The following FRMD4B variants were observed in gnomAD, a reference collection of about 807,000 sequenced individuals.
FRMD4B encodes FERM domain containing 4B.
Under a neutral mutation model 141.5 loss-of-function variants are expected in FRMD4B, and 74 were observed. The observed-to-expected ratio is 0.52, with a 90% CI of 0.43 to 0.63. The LOEUF is 0.63. Ranked by LOEUF, FRMD4B falls within the 30% of genes least tolerant of loss-of-function variation. The probability of loss-of-function intolerance (pLI) is 0.00; values close to 1 mark genes in which losing one functional copy is unlikely to be tolerated. For synonymous variants in FRMD4B, 506 were observed against 467.9 expected, an observed-to-expected ratio of 1.08 and a Z score of -1.05; for missense variants, 1,366 against 1,253.4, an observed-to-expected ratio of 1.09 and a Z score of -1.36.
At chr3:69,486,736 CA>C (rs1322130694) in intron 1 of FRMD4B, among the ~76,000 whole-genome samples, 2 of 152,198 alleles carry the variant, frequency 1.3e-5, no homozygotes, top group Admixed American at 1.3e-4. Flanking sequence ...GCATGTTGAA[CA>C]AACACTGAAG....
chr3:69,287,078 C>T (rs1700713137), intron 5 of FRMD4B, among the ~76,000 whole-genome samples: 1 of 152,208 alleles, frequency 6.6e-6, no homozygotes, highest in African/African-American at 2.4e-5. Flanking sequence ...GCTGGGATTA[C>T]AAGCATGAGC....
intron 1 of FRMD4B, among the ~76,000 whole-genome samples, chr3:69,383,706 C>T (rs1219399680): frequency 1.3e-5 from 2 of 151,952 alleles, no homozygotes; most frequent in African/African-American, 2.4e-5. Context: ...ACCACAGGTT[C>T]ATGACGCTAT....
rs531239219 is a variant in FRMD4B at position 69,424,030 on chromosome 3, T to C, written c.-1+8604A>G. ...GTCCTTGTTAAAAAAAAATAATGTC[T>C]TAGATAAGCTTCATTCAAACATGAA... On this transcript the variant is annotated intron_variant, in intron 2 of 5. Coordinates refer to the FRMD4B transcript ENST00000459638. Among the ~76,000 whole-genome samples, 10 of 152,316 alleles carry C rather than the reference T, an allele frequency of 6.6e-5. No homozygotes were observed. In the East Asian group the frequency reaches 1.9e-3, roughly 29 times the overall value.
At chr3:69,358,483 C>T (rs775641009) in intron 1 of FRMD4B, among the ~76,000 whole-genome samples, 3 of 152,186 alleles carry the variant, frequency 2.0e-5, no homozygotes, top group Non-Finnish European at 4.4e-5. Flanking sequence ...TGCCTGTAAT[C>T]CCAGCAGTTT....
intron 8 of FRMD4B, among the ~76,000 whole-genome samples, chr3:69,222,451 G>A (rs1250143072): frequency 1.8e-5 from 2 of 111,756 alleles, no homozygotes; most frequent in Non-Finnish European, 3.4e-5. Context: ...TAGGTGACAA[G>A]AGTGAAAATC....
chr3:69,273,052 G>T (rs2093602888), intron 5 of FRMD4B, among the ~76,000 whole-genome samples: 1 of 151,862 alleles, frequency 6.6e-6, no homozygotes, highest in Admixed American at 6.6e-5. Flanking sequence ...TCTTTCTTTG[G>T]TGCTGCCTAC....
In FRMD4B at chr3:69,171,729, G is replaced by T; in HGVS notation, c.*132C>A. 1 of 837,674 alleles carries T rather than the reference G, an allele frequency of 1.2e-6. No individual in the cohort carries two copies. Among genetic ancestry groups the T allele is most frequent in the Non-Finnish European group, 1.9e-6 (1 of 524,604 alleles). 51.9% of individuals were successfully genotyped at this position (837,674 alleles called of 1,614,324 possible). On this transcript the variant is annotated 3_prime_UTR_variant, in exon 23 of 23. Transcript: ENST00000398540. Reference sequence around the variant, plus strand: ...TGTGATTCACTGATTCACTTCCAGGGCAACTAAGTCTTCTCTTCAACCTTT... The same window carrying T: ...TGTGATTCACTGATTCACTTCCAGGTCAACTAAGTCTTCTCTTCAACCTTT...
chr3:69,171,749 A>G lies in FRMD4B; in HGVS notation c.*112T>C. ...CCAGGGCAACTAAGTCTTCTCTTCA[A>G]CCTTTGATGTCTTTAGGTTTCTAAA... is the stretch of plus-strand genomic sequence containing the variant. On this transcript the variant is annotated 3_prime_UTR_variant, in exon 23 of 23. Coordinates refer to ENST00000398540, the MANE Select transcript of FRMD4B (RefSeq NM_015123.3). 1 of 1,026,934 alleles carries G rather than the reference A, an allele frequency of 9.7e-7. No individual in the cohort carries two copies. Among genetic ancestry groups the G allele is most frequent in the Non-Finnish European group, 1.5e-6 (1 of 684,214 alleles). 63.6% of individuals were successfully genotyped at this position (1,026,934 alleles called of 1,614,324 possible).
At chr3:69,440,573 G>C (rs1705327695) in intron 1 of FRMD4B, among the ~76,000 whole-genome samples, 1 of 152,218 alleles carries the variant, frequency 6.6e-6, no homozygotes, top group Non-Finnish European at 1.5e-5. Context: ...GGGAAGCCAA[G>C]GCAGGTGGAT....
Position 69,187,806 on chromosome 3 carries a change from G to T in FRMD4B, c.1883C>A (p.Ser628Tyr), listed in dbSNP as rs775053625. 3 of 1,612,426 alleles carry T rather than the reference G, an allele frequency of 1.9e-6. No individual in the cohort carries two copies. The highest frequency in any genetic ancestry group is 2.5e-6 in the Non-Finnish European group (3 of 1,178,880). Residue 628 changes from serine (S) to tyrosine (Y), a missense_variant, in exon 19 of 23, where the codon TCC becomes TAC. Coordinates refer to ENST00000398540, the MANE Select transcript of FRMD4B (RefSeq NM_015123.3). ...GIERIHFRKS[S>Y]INEQFVDTRQ... ...GGTATCCACAAACTGTTCATTGATG[G>T]ACGACTTTCTGAAATGGATTCGCTC... is the stretch of plus-strand genomic sequence containing the variant.
intron 1 of FRMD4B, among the ~76,000 whole-genome samples, chr3:69,487,604 T>C (rs927413733): frequency 2.6e-5 from 4 of 152,190 alleles, no homozygotes; most frequent in Non-Finnish European, 5.9e-5. Context: ...ACAGGACTCA[T>C]AATCTGCTTC....
At chr3:69,216,457 G>C in intron 10 of FRMD4B, 108 bp from the exon 11 acceptor site, 6 of 593,248 alleles carry the variant, frequency 1.0e-5, no homozygotes, top group Admixed American at 8.5e-5. Context: ...TTTTGAGACG[G>C]AGTCTCATTC....
At chr3:69,345,798 A>C (rs1362802975) in intron 1 of FRMD4B, among the ~76,000 whole-genome samples, 1 of 152,198 alleles carries the variant, frequency 6.6e-6, no homozygotes, top group East Asian at 1.9e-4. Flanking sequence ...AAACTAACAA[A>C]CAGAAAGGAC....
intron 5 of FRMD4B, among the ~76,000 whole-genome samples, chr3:69,258,803 T>C (rs1181185584): frequency 6.6e-6 from 1 of 152,214 alleles, no homozygotes; most frequent in Non-Finnish European, 1.5e-5. Context: ...GACTGGGACC[T>C]ATCTCCCCAC....
intron 2 of FRMD4B, among the ~76,000 whole-genome samples, chr3:69,398,391 T>G (rs931136462): frequency 5.9e-5 from 9 of 152,232 alleles, no homozygotes; most frequent in Non-Finnish European, 1.0e-4. Context: ...ATTTATCGTT[T>G]CTTTGTGCTG....
intron 8 of FRMD4B, among the ~76,000 whole-genome samples, chr3:69,222,847 T>C (rs535496273): frequency 5.7e-4 from 87 of 152,332 alleles, no homozygotes; most frequent in African/African-American, 2.1e-3. Flanking sequence ...TTTGCCATAA[T>C]TGGATGGAAT....
At chr3:69,525,675 C>A (rs557404738) in intron 1 of FRMD4B, among the ~76,000 whole-genome samples, 1 of 151,958 alleles carries the variant, frequency 6.6e-6, no homozygotes, top group Admixed American at 6.6e-5. Context: ...CTTTTGAGAC[C>A]GAGCCTCATT....
chr3:69,229,020 T>TC (rs1308433774), intron 7 of FRMD4B, among the ~76,000 whole-genome samples: 1 of 148,566 alleles, frequency 6.7e-6, no homozygotes, highest in Non-Finnish European at 1.5e-5. Flanking sequence ...ATCATGTTTT[T>TC]TTTTTTTTTT....
intron 1 of FRMD4B, among the ~76,000 whole-genome samples, chr3:69,473,273 G>T (rs1705927122): frequency 6.6e-6 from 1 of 152,042 alleles, no homozygotes; most frequent in Non-Finnish European, 1.5e-5. Context: ...ACAAGGGTGA[G>T]GTCAGGTGCA....
Sources: allele counts gnomAD v4.1 joint callset (sites outside exome capture counted in the v4.1 genomes callset), GRCh38; gene constraint gnomAD v4.1.1; transcripts MANE v1.5; gene names NCBI Gene and HGNC (gene_info 2026-07-23, HGNC 2026-07-21).